The following RNF19A variants were observed in gnomAD, a reference collection of about 807,000 sequenced individuals.
RNF19A encodes E3 ubiquitin-protein ligase RNF19A.
RNF19A carries 32 observed loss-of-function variants against 75.7 expected under a neutral mutation model. The observed-to-expected ratio is 0.42, with a 90% confidence interval of 0.32 to 0.57. The LOEUF (loss-of-function observed/expected upper bound fraction) is 0.57. Ranked by LOEUF, RNF19A falls within the 20% of genes least tolerant of loss-of-function variation. RNF19A has a pLI of 0.10. For missense variants in RNF19A, 782 were observed against 1,036.3 expected (o/e 0.75, Z 3.37); for synonymous variants, 335 against 345.2 (o/e 0.97, Z 0.33).
chr8:100,264,789 GAATT>G lies in RNF19A; in HGVS notation c.1192-8_1192-5del, dbSNP rs759796710. 1 of 1,603,284 alleles carries G rather than the reference GAATT, an allele frequency of 6.2e-7. No homozygotes were observed. Among genetic ancestry groups the G allele is most frequent in the Non-Finnish European group, 8.5e-7 (1 of 1,170,996 alleles). On this transcript the variant is annotated splice_region_variant and splice_polypyrimidine_tract_variant and intron_variant, in intron 5 of 9. Transcript: ENST00000341084. The surrounding 1 kb of genome is among the most constrained non-coding windows in gnomAD (Gnocchi z 4.7). ...TGCCTTCATAGCGATTGTGAATCTTGAATTAATAAAAATAGGGGTGGGGGATTAA... is the reference window on the plus strand; with the variant it reads ...TGCCTTCATAGCGATTGTGAATCTTGAATAAAAATAGGGGTGGGGGATTAA...
At chr8:100,311,677 C>T (rs1822295939), upstream of RNF19A, among the ~76,000 whole-genome samples, 1 of 142,794 alleles carries the variant, frequency 7.0e-6, no homozygotes, top group Non-Finnish European at 1.5e-5. Context: ...GAGATCTCGC[C>T]ACTGCACTCC....
chr8:100,277,534 G>C (rs1156262993), intron 2 of RNF19A, among the ~76,000 whole-genome samples: 1 of 152,098 alleles, frequency 6.6e-6, no homozygotes, highest in African/African-American at 2.4e-5. Flanking sequence ...GGATGGTCTT[G>C]ATTTCCTGAC....
chr8:100,310,364 G>T, upstream of RNF19A: 1 of 512,026 alleles, frequency 2.0e-6, no homozygotes, highest in Non-Finnish European at 2.5e-6. Context: ...CGCCTCGAGC[G>T]CGCCGGGCAG....
chr8:100,286,844 T>C (rs1440675130), intron 2 of RNF19A, among the ~76,000 whole-genome samples: 3 of 152,206 alleles, frequency 2.0e-5, no homozygotes, highest in Non-Finnish European at 4.4e-5. Context: ...CTGACAACTG[T>C]ACACAATAAA....
At position 100,287,189 on chromosome 8, in the gene RNF19A, T is replaced by C. The variant is rs981606932; in HGVS notation, c.674+312A>G. On this transcript the variant is annotated intron_variant, in intron 2 of 9. Transcript: ENST00000341084. This position sits in a 1 kb window ranked among gnomAD's most constrained non-coding sequence, Gnocchi z 4.1. ...AAACAAACCTGATCATTTCATCTGT[T>C]ATTCCAAAATAAAAATTCTCCAAAT... Among the ~76,000 whole-genome samples the C allele has an allele frequency of 6.6e-6, 1 of 152,224 alleles. No individual in the cohort carries two copies. Among genetic ancestry groups the C allele is most frequent in the African/African-American group, 2.4e-5 (1 of 41,454 alleles).
intron 7 of RNF19A, among the ~76,000 whole-genome samples, chr8:100,262,566 G>T (rs940909564): frequency 1.3e-5 from 2 of 152,102 alleles, no homozygotes; most frequent in African/African-American, 4.8e-5. Context: ...ACATAGTTGG[G>T]GCAGATCATG....
chr8:100,316,375 G>A (rs532660657), intron 1 of RNF19A, among the ~76,000 whole-genome samples: 2 of 152,088 alleles, frequency 1.3e-5, no homozygotes, highest in Non-Finnish European at 2.9e-5. Context: ...CTGCTGTCCC[G>A]GGCAGCCTGC....
In RNF19A at chr8:100,276,595, T is replaced by C. The variant is rs558663351; in HGVS notation, c.675-1434A>G. 2.0e-5 allele frequency among the ~76,000 whole-genome samples: 3 copies of C among 151,348 alleles called. No individual in the cohort carries two copies. In the South Asian group the frequency reaches 6.2e-4, roughly 32 times the overall value. ...GGCAAAACCCCATCTCTACAAAAAATATTTAAAAAATTAGCCGGGAGTGGT... is the reference window on the plus strand; with the variant it reads ...GGCAAAACCCCATCTCTACAAAAAACATTTAAAAAATTAGCCGGGAGTGGT... On this transcript the variant is annotated intron_variant, in intron 2 of 9. Transcript: ENST00000341084.
chr8:100,312,731 CG>C (rs1822319830), upstream of RNF19A, among the ~76,000 whole-genome samples: 4 of 151,988 alleles, frequency 2.6e-5, no homozygotes, highest in South Asian at 8.3e-4. Context: ...TGATACCAGC[CG>C]GGACAACATG....
At chr8:100,302,886 C>T (rs996825990) in intron 1 of RNF19A, among the ~76,000 whole-genome samples, 141 of 152,246 alleles carry the variant, frequency 9.3e-4, no homozygotes, top group African/African-American at 3.2e-3. Flanking sequence ...AAGAAAGAAA[C>T]GATACAAGCA....
At chr8:100,311,112 A>G (rs1351124288), upstream of RNF19A, among the ~76,000 whole-genome samples, 1 of 152,224 alleles carries the variant, frequency 6.6e-6, no homozygotes, top group African/African-American at 2.4e-5. Context: ...TGTCTGTGTA[A>G]TTTAAATTAG....
At position 100,264,767 on chromosome 8, in the gene RNF19A, C is replaced by T. The variant is rs1195746156; in HGVS notation, c.1210G>A (p.Gly404Ser). The change falls in exon 6 of 10, where the codon GGC becomes AGC. Residue 404 changes from glycine to serine, a missense_variant. Gly to Ser is a moderately conservative substitution (Grantham distance 56). Transcript: ENST00000341084. The surrounding 1 kb of genome is among the most constrained non-coding windows in gnomAD (Gnocchi z 4.7). ...CGTTTGTGCTTTGAAACATCCTTGC[C>T]TTCATAGCGATTGTGAATCTTGAAT... is the stretch of plus-strand genomic sequence containing the variant. The part of the protein sequence containing the change: ...VGRKIHNRYE[G>S]KDVSKHKRNL... The T allele has an allele frequency of 2.5e-6, 4 of 1,612,906 alleles. No homozygotes were observed. The Admixed American group carries it at 6.7e-5, about 27-fold the overall frequency.
At chr8:100,272,851 T>G (rs186098754) in intron 3 of RNF19A, among the ~76,000 whole-genome samples, 2,203 of 141,730 alleles carry the variant, frequency 0.016, 57 homozygotes, top group African/African-American at 0.052. Flanking sequence ...CGCCCAGCCC[T>G]CACTGCATTT....
At position 100,332,438 on chromosome 8, in the gene RNF19A, T is replaced by A. The variant is rs1822624583; in HGVS notation, c.-243+3670A>T. Among the ~76,000 whole-genome samples, 1 of 152,246 alleles carries A rather than the reference T, an allele frequency of 6.6e-6. No individual in the cohort carries two copies. ...CTTCTCGTTCCACCATGATTGTAAG[T>A]TTTCTGAGGCCTCCTTGGCCATGCA... On this transcript the variant is annotated intron_variant, in intron 1 of 3. Coordinates refer to the RNF19A transcript ENST00000519527. The surrounding 1 kb of genome is among the most constrained non-coding windows in gnomAD (Gnocchi z 4.8).
In RNF19A at chr8:100,293,997, A is replaced by G. The variant is rs985642810; in HGVS notation, c.-93-5730T>C. Among the ~76,000 whole-genome samples the G allele has an allele frequency of 2.0e-5, 3 of 152,302 alleles. No homozygotes were observed. In the East Asian group the frequency reaches 5.8e-4, roughly 29 times the overall value. On this transcript the variant is annotated intron_variant, in intron 1 of 9. Coordinates refer to ENST00000341084, the MANE Select transcript of RNF19A (RefSeq NM_183419.4). ...GATGAGACTACCCACATGTTCGGTC[A>G]TTATGATATTTCCCCCTTTAAGTCC...
At chr8:100,288,368 TTAG>T (rs545896216) in intron 1 of RNF19A, 101 bp from the exon 2 acceptor site, 6 of 762,008 alleles carry the variant, frequency 7.9e-6, no homozygotes, top group African/African-American at 3.6e-5. Flanking sequence ...TTCTTAACCA[TTAG>T]TAGTAGTTGT....
chr8:100,271,236 A>C (rs1158154004), intron 3 of RNF19A, among the ~76,000 whole-genome samples: 2 of 152,008 alleles, frequency 1.3e-5, no homozygotes, highest in Non-Finnish European at 2.9e-5. Context: ...TTTTGAGCAA[A>C]CTGATACTCT....
chr8:100,277,123 C>T (rs1358050705), intron 2 of RNF19A, among the ~76,000 whole-genome samples: 1 of 152,218 alleles, frequency 6.6e-6, no homozygotes, highest in African/African-American at 2.4e-5. Flanking sequence ...TTTATCAATG[C>T]ATGTCTTTTG....
At chr8:100,312,344 C>T (rs1184816102), upstream of RNF19A, 4 of 152,442 alleles carry the variant, frequency 2.6e-5, no homozygotes, top group Non-Finnish European at 5.9e-5. Flanking sequence ...TGGCACACAC[C>T]TGTAGTCCTA....
Sources: allele counts gnomAD v4.1 joint callset (sites outside exome capture counted in the v4.1 genomes callset), GRCh38; gene constraint gnomAD v4.1.1; non-coding constraint Gnocchi (gnomAD v3.1); transcripts MANE v1.5; gene names NCBI Gene and HGNC (gene_info 2026-07-23, HGNC 2026-07-21).